The following TEX2 variants were observed in gnomAD, a reference collection of about 807,000 sequenced individuals.
TEX2 encodes testis-expressed protein 2.
TEX2 carries 53 observed loss-of-function variants against 106.9 expected under a neutral mutation model. The observed-to-expected ratio is 0.50, with a 90% CI of 0.40 to 0.62. TEX2 has a LOEUF of 0.62. Among genes scored for constraint, TEX2 ranks in the 20% least tolerant of loss-of-function variants. The pLI, the probability that TEX2 is intolerant of heterozygous loss-of-function variation, is 0.00. For synonymous variants in TEX2, 523 were observed against 534.8 expected (o/e 0.98, Z 0.30); for missense variants, 1,207 against 1,379.0 (o/e 0.88, Z 1.98).
chr17:64,210,639 T>G (rs1482925847), intron 2 of TEX2, among the ~76,000 whole-genome samples: 1 of 139,834 alleles, frequency 7.2e-6, no homozygotes, highest in African/African-American at 2.5e-5. Flanking sequence ...CCCAGCTTTT[T>G]TTTTTTTTTT....
chr17:64,171,707 G>A (rs1042612873), intron 6 of TEX2, among the ~76,000 whole-genome samples: 17 of 152,120 alleles, frequency 1.1e-4, no homozygotes, highest in African/African-American at 2.9e-4. Context: ...GGTCAGGTGC[G>A]GTGGCTCATG....
In TEX2 at chr17:64,192,449, C is replaced by T. The variant is rs1018017319; in HGVS notation, c.2176+1110G>A. On this transcript the variant is annotated intron_variant, in intron 4 of 11. Coordinates refer to ENST00000584379, the MANE Select transcript of TEX2 (RefSeq NM_001288732.2). ...TGGTCACCACCAGAAGCTGCAAACA[C>T]GCAAGGAAGGATTCTATGCAGAGTC... Among the ~76,000 whole-genome samples the T allele has an allele frequency of 1.8e-4, 28 of 152,320 alleles. No homozygotes were observed. In the East Asian group the frequency reaches 3.7e-3, roughly 20 times the overall value.
Position 64,154,930 on chromosome 17 carries a change from C to T in TEX2, c.2842G>A (p.Glu948Lys). 4 of 1,606,756 alleles carry T rather than the reference C, an allele frequency of 2.5e-6. No individual in the cohort carries two copies. Among genetic ancestry groups the T allele is most frequent in the Non-Finnish European group, 3.4e-6 (4 of 1,178,190 alleles). The change falls in exon 9 of 12, where the codon GAG (glutamate) becomes AAG (lysine). Residue 948 changes from glutamate to lysine, a missense_variant. By Grantham distance (56) the Glu-to-Lys change is moderately conservative. Transcript: ENST00000584379. ...PRAFCLADSD[E>K]ESSSAGSSEE... ...GAGGAGCCAGCGCTGGAGGATTCCT[C>T]ATCGCTGTCCGCCAGACAGAATGCC...
intron 1 of TEX2, among the ~76,000 whole-genome samples, chr17:64,230,443 G>C (rs1567958663): frequency 6.6e-6 from 1 of 152,224 alleles, no homozygotes; most frequent in Non-Finnish European, 1.5e-5. Context: ...GCCACCTCAT[G>C]GTTCCCTGAG....
intron 1 of TEX2, among the ~76,000 whole-genome samples, chr17:64,227,512 A>C (rs965636976): frequency 3.3e-5 from 5 of 152,254 alleles, no homozygotes; most frequent in Non-Finnish European, 7.3e-5. Context: ...AACACATGTC[A>C]ATCTTTTAAA....
At chr17:64,241,684 AGTGCACTC>A (rs2033891774) in intron 1 of TEX2, among the ~76,000 whole-genome samples, 1 of 152,048 alleles carries the variant, frequency 6.6e-6, no homozygotes, top group Non-Finnish European at 1.5e-5. Context: ...CCCAGGCTGG[AGTGCACTC>A]GTGCGATCAT....
intron 2 of TEX2, among the ~76,000 whole-genome samples, chr17:64,203,491 C>G (rs1485056803): frequency 6.6e-6 from 1 of 152,144 alleles, no homozygotes; most frequent in Non-Finnish European, 1.5e-5. Flanking sequence ...AAGCCTAAAC[C>G]TTTTTTGATG....
rs566755382 is a variant in TEX2, at chr17:64,255,028, C to CTTTTTTTTTTTTTTTTT, written c.-26+8123_-26+8139dup. ...TACAGGTGTGTGTCACTGCATCTGG[C>CTTTTTTTTTTTTTTTTT]TTTTTTTTTTTTTTTTTTGTAGAGG... On this transcript the variant is annotated intron_variant, in intron 1 of 11. Transcript: ENST00000584379. 2.3e-5 allele frequency among the ~76,000 whole-genome samples: 3 copies of CTTTTTTTTTTTTTTTTT among 132,488 alleles called. 1 individual carries two copies. Among genetic ancestry groups the CTTTTTTTTTTTTTTTTT allele is most frequent in the Non-Finnish European group, 4.8e-5 (3 of 62,100 alleles). The allele number at this position is 132,488 out of a possible 152,430, so 86.9% of individuals were successfully genotyped here. A position where few individuals can be genotyped will look rare whatever the true frequency, so the allele number is the denominator to read the frequency against.
At chr17:64,253,643 A>T (rs2034133634) in intron 1 of TEX2, among the ~76,000 whole-genome samples, 1 of 152,108 alleles carries the variant, frequency 6.6e-6, no homozygotes, top group East Asian at 1.9e-4. Context: ...ACCATCCAAG[A>T]GTCGTTTATA....
chr17:64,163,936 T>C (rs914063102), intron 7 of TEX2, among the ~76,000 whole-genome samples: 6 of 152,216 alleles, frequency 3.9e-5, no homozygotes, highest in Non-Finnish European at 7.3e-5. Context: ...TCTATAACCA[T>C]GTGCCCTGGC....
At chr17:64,260,479 C>T (rs1003063823) in intron 1 of TEX2, among the ~76,000 whole-genome samples, 17 of 151,850 alleles carry the variant, frequency 1.1e-4, no homozygotes, top group African/African-American at 3.1e-4. Flanking sequence ...CCAAAAAGCA[C>T]GTTTTTTGAA....
intron 1 of TEX2, among the ~76,000 whole-genome samples, chr17:64,244,664 G>T (rs1172338120): frequency 6.6e-6 from 1 of 151,888 alleles, no homozygotes; most frequent in African/African-American, 2.4e-5. Context: ...ACTGTCCCCT[G>T]CCCCCTCAAC....
At chr17:64,179,506 C>T (rs376372916) in intron 5 of TEX2, among the ~76,000 whole-genome samples, 111 of 152,348 alleles carry the variant, frequency 7.3e-4, no homozygotes, top group African/African-American at 2.5e-3. Flanking sequence ...CTACTACTCA[C>T]TCTTTGGGTC....
intron 5 of TEX2, among the ~76,000 whole-genome samples, chr17:64,181,390 C>T (rs968808993): frequency 6.9e-6 from 1 of 144,480 alleles, no homozygotes. Flanking sequence ...GCAGGAGAAT[C>T]GCTTGAGCCC....
intron 1 of TEX2, among the ~76,000 whole-genome samples, chr17:64,245,313 C>T (rs1555636174): frequency 6.6e-6 from 1 of 152,136 alleles, no homozygotes; most frequent in African/African-American, 2.4e-5. Context: ...ATGTCTCAAA[C>T]CCATTATCCT....
At chr17:64,216,552 A>G (rs1346974267) in intron 1 of TEX2, among the ~76,000 whole-genome samples, 3 of 152,220 alleles carry the variant, frequency 2.0e-5, no homozygotes, top group African/African-American at 7.2e-5. Flanking sequence ...TCCTTCAGGA[A>G]CCAAGGCAAG....
intron 1 of TEX2, among the ~76,000 whole-genome samples, chr17:64,261,762 T>A (rs1021455962): frequency 6.6e-6 from 1 of 152,178 alleles, no homozygotes; most frequent in Non-Finnish European, 1.5e-5. Flanking sequence ...AAAATCCCAC[T>A]CTATCCACAT....
chr17:64,155,298 CAGCAGTGCAG>C (rs1279387425), intron 8 of TEX2: 1 of 210,488 alleles, frequency 4.8e-6, no homozygotes, highest in Non-Finnish European at 9.4e-6. Context: ...TGATTTCAAC[CAGCAGTGCAG>C]CGGAGCCACA....
intron 1 of TEX2, among the ~76,000 whole-genome samples, chr17:64,221,240 T>C (rs1040649869): frequency 2.2e-4 from 33 of 152,108 alleles, no homozygotes; most frequent in African/African-American, 7.2e-4. Context: ...TCAGGATAAA[T>C]AGCTAATGCA....
Sources: allele counts gnomAD v4.1 joint callset (sites outside exome capture counted in the v4.1 genomes callset), GRCh38; gene constraint gnomAD v4.1.1; transcripts MANE v1.5; gene names NCBI Gene and HGNC (gene_info 2026-07-23, HGNC 2026-07-21).